The following EPHA6 variants were observed in gnomAD, a reference collection of about 807,000 sequenced individuals.
EPHA6 encodes the protein EPH receptor A6.
Under a neutral mutation model 112.0 loss-of-function variants are expected in EPHA6, and 50 were observed. The observed-to-expected ratio is 0.45, with a 90% CI of 0.36 to 0.56. EPHA6 has a LOEUF of 0.56. Among genes scored for constraint, EPHA6 ranks in the 20% least tolerant of loss-of-function variants. The pLI is 0.00. For synonymous variants in EPHA6, 529 were observed against 490.7 expected (o/e 1.08, Z -1.03); for missense variants, 1,280 against 1,417.4 (o/e 0.90, Z 1.56).
At chr3:96,848,717 T>G (rs1296326762) in intron 1 of EPHA6, among the ~76,000 whole-genome samples, 1 of 152,100 alleles carries the variant, frequency 6.6e-6, no homozygotes, top group Non-Finnish European at 1.5e-5. Flanking sequence ...TAGGAGTGTT[T>G]TGGAATCCTT....
chr3:97,609,149 T>C (rs187431434), intron 12 of EPHA6, among the ~76,000 whole-genome samples: 17 of 151,522 alleles, frequency 1.1e-4, no homozygotes, highest in Non-Finnish European at 2.4e-4. Flanking sequence ...TAAAAAGCTG[T>C]GACTCTGCAG....
intron 2 of EPHA6, among the ~76,000 whole-genome samples, chr3:96,871,848 G>C (rs773092243): frequency 2.6e-5 from 4 of 151,968 alleles, no homozygotes; most frequent in Non-Finnish European, 5.9e-5. Context: ...AATTGCCAAA[G>C]CAAATATGGG....
chr3:97,233,230 A>G (rs2078582457), intron 4 of EPHA6, among the ~76,000 whole-genome samples: 1 of 150,798 alleles, frequency 6.6e-6, no homozygotes, highest in Admixed American at 6.7e-5. Flanking sequence ...CTAGCTGCCT[A>G]CTCCATCAAT....
chr3:97,645,982 G>A (rs536984167), intron 14 of EPHA6: 1 of 525,670 alleles, frequency 1.9e-6, no homozygotes, highest in African/African-American at 2.0e-5. Context: ...GGTTTTGTGG[G>A]GCAGTTGTTG....
Position 97,371,481 on chromosome 3 carries a change from C to T in EPHA6, c.1607-33669C>T, listed in dbSNP as rs568739464. Among the ~76,000 whole-genome samples the T allele has an allele frequency of 1.8e-4, 28 of 152,270 alleles. No homozygotes were observed. In the South Asian group the frequency reaches 5.8e-3, roughly 32 times the overall value. ...ACTTATCACCTCCCCAATCAATACC[C>T]TTGTGATTTCCTATGCCTGCTTTAC... On this transcript the variant is annotated intron_variant, in intron 5 of 17. Coordinates refer to ENST00000389672, the MANE Select transcript of EPHA6 (RefSeq NM_001080448.3).
At chr3:96,949,519 A>G (rs1302091792) in intron 2 of EPHA6, among the ~76,000 whole-genome samples, 1 of 152,102 alleles carries the variant, frequency 6.6e-6, no homozygotes, top group Non-Finnish European at 1.5e-5. Context: ...AAAAGTATAT[A>G]TATAACATTG....
chr3:97,368,639 G>T (rs557169334), intron 5 of EPHA6, among the ~76,000 whole-genome samples: 4 of 152,216 alleles, frequency 2.6e-5, no homozygotes, highest in East Asian at 1.9e-4. Flanking sequence ...CAGAATGAAT[G>T]AATTAATGAA....
chr3:97,671,073 C>T (rs544586281), intron 14 of EPHA6, among the ~76,000 whole-genome samples: 5 of 152,230 alleles, frequency 3.3e-5, no homozygotes, highest in African/African-American at 1.2e-4. Flanking sequence ...ACTGACCACA[C>T]GTATTTTAGT....
Position 97,050,287 on chromosome 3 carries a change from G to A in EPHA6, c.1114+62294G>A, listed in dbSNP as rs555012214. ...ATACACAGCAAATTGTGCCCAAGAA[G>A]CCTTGACTAGGAAGAAGATTTCACG... On this transcript the variant is annotated intron_variant, in intron 3 of 17. Transcript: ENST00000389672. 4.6e-5 allele frequency among the ~76,000 whole-genome samples: 7 copies of A among 152,252 alleles called. No individual in the cohort carries two copies. In the East Asian group the frequency reaches 7.7e-4, roughly 17 times the overall value.
chr3:97,582,425 G>A (rs556469929), intron 11 of EPHA6, among the ~76,000 whole-genome samples: 4 of 152,178 alleles, frequency 2.6e-5, no homozygotes, highest in South Asian at 2.1e-4. Context: ...GGGAGGACTC[G>A]GGGAGGCATC....
intron 3 of EPHA6, among the ~76,000 whole-genome samples, chr3:97,162,976 G>A (rs544700109): frequency 6.6e-6 from 1 of 152,224 alleles, no homozygotes; most frequent in African/African-American, 2.4e-5. Context: ...TTTGGTGGTT[G>A]AGTGCTGTGT....
chr3:97,307,913 CAT>C (rs1196990484), intron 5 of EPHA6, among the ~76,000 whole-genome samples: 1 of 151,672 alleles, frequency 6.6e-6, no homozygotes, highest in Non-Finnish European at 1.5e-5. Flanking sequence ...CTATATTTAT[CAT>C]AGACAACATA....
At position 97,032,470 on chromosome 3, in the gene EPHA6, A is replaced by G. The variant is rs112156456; in HGVS notation, c.1114+44477A>G. On this transcript the variant is annotated intron_variant, in intron 3 of 17. Coordinates refer to ENST00000389672, the MANE Select transcript of EPHA6 (RefSeq NM_001080448.3). The stretch of plus-strand genomic sequence containing the variant: ...TAATAATAAAATAAAAAGAATAAAA[A>G]AAAGGATGAGACCCATTATTTTGCT... Among the ~76,000 whole-genome samples, 9 of 152,096 alleles carry G rather than the reference A, an allele frequency of 5.9e-5. 1 individual carries two copies. The highest frequency in any genetic ancestry group is 1.9e-4 in the African/African-American group (8 of 41,510).
rs536116780 is a variant in EPHA6 at position 97,274,146 on chromosome 3, G to C, written c.1606+29859G>C. Among the ~76,000 whole-genome samples the C allele has an allele frequency of 2.0e-5, 3 of 152,290 alleles. No homozygotes were observed. In the South Asian group the frequency reaches 6.2e-4, roughly 32 times the overall value. On this transcript the variant is annotated intron_variant, in intron 5 of 17. Transcript: ENST00000389672. ...TGGAAGAGGTTATGAAATGATGACA[G>C]AATAGAATGGGCCTGTGAGGCTGGA...
At chr3:97,659,748 G>A (rs1039016291) in intron 14 of EPHA6, among the ~76,000 whole-genome samples, 1 of 151,958 alleles carries the variant, frequency 6.6e-6, no homozygotes, top group Non-Finnish European at 1.5e-5. Context: ...TGAAAAATAA[G>A]TGGTACTTAT....
chr3:96,900,769 C>T lies in EPHA6; in HGVS notation c.450+33880C>T, dbSNP rs1310549782. The stretch of plus-strand genomic sequence containing the variant: ...CTATTCATCTCTGTCAGTCATGGCC[C>T]TTCAAAGACTGTTTTCAAAGAATTG... On this transcript the variant is annotated intron_variant, in intron 2 of 17. Coordinates refer to ENST00000389672, the MANE Select transcript of EPHA6 (RefSeq NM_001080448.3). 2.0e-5 allele frequency among the ~76,000 whole-genome samples: 3 copies of T among 152,222 alleles called. No individual in the cohort carries two copies. The East Asian group carries it at 5.8e-4, about 29-fold the overall frequency.
At chr3:97,717,352 GTGTATTAGTC>G (rs1171734018) in intron 14 of EPHA6, among the ~76,000 whole-genome samples, 2 of 151,852 alleles carry the variant, frequency 1.3e-5, no homozygotes. Flanking sequence ...TATAGTGGTA[GTGTATTAGTC>G]TGCTAGGGCT....
intron 6 of EPHA6, among the ~76,000 whole-genome samples, chr3:97,409,585 C>T (rs1221700241): frequency 7.2e-5 from 11 of 152,014 alleles, no homozygotes; most frequent in African/African-American, 2.4e-4. Context: ...TCCCTGAGGA[C>T]AAACACTTCA....
At chr3:97,052,661 G>C (rs1013861341) in intron 3 of EPHA6, among the ~76,000 whole-genome samples, 4 of 152,092 alleles carry the variant, frequency 2.6e-5, no homozygotes, top group African/African-American at 9.7e-5. Context: ...AAATATTTCA[G>C]AAGCCATTAC....
Sources: gnomAD v4.1 joint callset for allele counts (sites outside exome capture counted in the v4.1 genomes callset) on GRCh38, gnomAD v4.1.1 for gene constraint, MANE v1.5 for transcripts, NCBI Gene and HGNC (gene_info 2026-07-23, HGNC 2026-07-21) for gene names.